CDC42BPA: variants seen among roughly 807,000 people sequenced by gnomAD.
CDC42BPA encodes the protein CDC42 binding protein kinase alpha.
A neutral mutation model predicts 223.5 loss-of-function variants in CDC42BPA; 80 were observed. The observed-to-expected ratio is 0.36, with a 90% CI of 0.30 to 0.43. The LOEUF (loss-of-function observed/expected upper bound fraction) is 0.43, where lower values mean the gene tolerates loss of function less well. CDC42BPA is among the 20% of genes least tolerant of loss of function. The pLI is 1.00. For synonymous variants in CDC42BPA, 694 were observed against 718.6 expected (o/e 0.97, Z 0.55); for missense variants, 1,743 against 2,099.9 (o/e 0.83, Z 3.32).
chr1:227,097,817 G>A (rs1398061368), intron 15 of CDC42BPA, among the ~76,000 whole-genome samples: 5 of 152,164 alleles, frequency 3.3e-5, no homozygotes, highest in Non-Finnish European at 2.9e-5. Flanking sequence ...CCAAGTGCTG[G>A]TAGGTCACTG....
At chr1:227,167,849 T>C (rs1032634126) in intron 5 of CDC42BPA, among the ~76,000 whole-genome samples, 6 of 152,218 alleles carry the variant, frequency 3.9e-5, no homozygotes, top group African/African-American at 9.6e-5. Context: ...CAAGCTTTCA[T>C]GTAGTATCAT....
At chr1:227,138,356 T>G (rs1659026557) in intron 10 of CDC42BPA, among the ~76,000 whole-genome samples, 1 of 151,874 alleles carries the variant, frequency 6.6e-6, no homozygotes, top group Admixed American at 6.6e-5. Flanking sequence ...ATAAATAGGA[T>G]GGTCAGGAAA....
intron 12 of CDC42BPA, among the ~76,000 whole-genome samples, chr1:227,117,404 T>A (rs1687933626): frequency 6.6e-6 from 1 of 152,018 alleles, no homozygotes; most frequent in Admixed American, 6.6e-5. Flanking sequence ...GCAGCCTCAA[T>A]CTACCAGGCT....
At chr1:227,289,354 C>T (rs1277576287) in intron 1 of CDC42BPA, among the ~76,000 whole-genome samples, 1 of 152,206 alleles carries the variant, frequency 6.6e-6, no homozygotes, top group East Asian at 1.9e-4. Context: ...CCAGCACTTA[C>T]TGTTCCCTCT....
chr1:227,045,329 G>C (rs1218065309), intron 23 of CDC42BPA, among the ~76,000 whole-genome samples: 1 of 152,158 alleles, frequency 6.6e-6, no homozygotes, highest in Non-Finnish European at 1.5e-5. Context: ...CCTTGGGTAA[G>C]TATGTCATTT....
At chr1:227,073,841 G>T in intron 19 of CDC42BPA, 23 bp downstream of exon 19, 3 of 1,475,196 alleles carry the variant, frequency 2.0e-6, no homozygotes, top group Non-Finnish European at 2.7e-6. Context: ...TTATTCTAGT[G>T]GGACTATATG....
intron 1 of CDC42BPA, among the ~76,000 whole-genome samples, chr1:227,277,078 TAAAAAAA>T (rs199895591): frequency 1.9e-5 from 2 of 105,022 alleles, no homozygotes; most frequent in Admixed American, 9.2e-5. Context: ...CAATAAATAC[TAAAAAAA>T]AAAAAAAAAA....
At chr1:227,133,508 T>C (rs1657792633) in intron 10 of CDC42BPA, among the ~76,000 whole-genome samples, 1 of 152,210 alleles carries the variant, frequency 6.6e-6, no homozygotes, top group African/African-American at 2.4e-5. Context: ...AATGGCGGTT[T>C]TGTGGAATAG....
rs114916868 is a variant in CDC42BPA, at chr1:227,135,548, G to A, written c.1390+4028C>T. Reference sequence around the variant, plus strand: ...GGCATTTGAAATCAAAGGTAGGGTTGAGTCTAATTAAAAATGCAATTTAGG... The same window carrying A: ...GGCATTTGAAATCAAAGGTAGGGTTAAGTCTAATTAAAAATGCAATTTAGG... On this transcript the variant is annotated intron_variant, in intron 10 of 36. Transcript: ENST00000366766. Among the ~76,000 whole-genome samples, 907 of 152,156 alleles carry A rather than the reference G, an allele frequency of 6.0e-3. 10 individuals carry two copies. The highest frequency in any genetic ancestry group is 0.021 in the African/African-American group (854 of 41,510).
chr1:227,198,438 CAA>C (rs1176604134), intron 4 of CDC42BPA, among the ~76,000 whole-genome samples: 3 of 51,528 alleles, frequency 5.8e-5, no homozygotes, highest in Admixed American at 2.5e-4. Flanking sequence ...ATCCAGCAAA[CAA>C]AAAAAAAAAA....
chr1:227,201,694 CAG>C (rs1282078843), intron 3 of CDC42BPA, among the ~76,000 whole-genome samples: 2 of 151,250 alleles, frequency 1.3e-5, no homozygotes, highest in African/African-American at 2.4e-5. Context: ...CACACACACA[CAG>C]ATTATATATT....
At chr1:227,091,801 C>T in intron 16 of CDC42BPA, 85 bp downstream of exon 16, 1 of 655,174 alleles carries the variant, frequency 1.5e-6, no homozygotes, top group Non-Finnish European at 2.5e-6. Flanking sequence ...AAATGTATGT[C>T]AAATATAAAG....
chr1:227,121,339 A>G (rs892198609), intron 11 of CDC42BPA, among the ~76,000 whole-genome samples: 1 of 152,234 alleles, frequency 6.6e-6, no homozygotes. Flanking sequence ...AGCAGTGTTA[A>G]TATGTTAGTC....
At chr1:227,080,006 TTTC>T (rs1263369589) in intron 17 of CDC42BPA, among the ~76,000 whole-genome samples, 2 of 115,318 alleles carry the variant, frequency 1.7e-5, no homozygotes, top group South Asian at 2.5e-4. Context: ...TTTATAATAA[TTTC>T]TTGTGTATGA....
chr1:227,032,625 AGAAGG>A (rs561193877), intron 27 of CDC42BPA, among the ~76,000 whole-genome samples: 1 of 152,326 alleles, frequency 6.6e-6, no homozygotes, highest in South Asian at 2.1e-4. Flanking sequence ...AACAGAATGC[AGAAGG>A]GTTATTATAC....
intron 5 of CDC42BPA, among the ~76,000 whole-genome samples, chr1:227,191,910 G>C (rs1471995905): frequency 6.6e-6 from 1 of 151,398 alleles, no homozygotes; most frequent in Non-Finnish European, 1.5e-5. Context: ...CTTGAGTCCA[G>C]GAGTTCAAGA....
rs530885969 is a variant in CDC42BPA at position 227,112,462 on chromosome 1, AT to A, written c.1891-41del. ...GAAAAATGCAGATTTCACGGTTATA[AT>A]TTTTTTCCAAACAAAACATTTATCC... On this transcript the variant is annotated intron_variant, in intron 13 of 36. Coordinates refer to ENST00000366766, the MANE Select transcript of CDC42BPA (RefSeq NM_001394014.1). The A allele has an allele frequency of 1.6e-4, 225 of 1,430,832 alleles. 8 individuals carry two copies. In the South Asian group the frequency reaches 2.9e-3, roughly 18 times the overall value. 88.6% of individuals were successfully genotyped at this position (1,430,832 alleles called of 1,614,324 possible).
intron 21 of CDC42BPA, 89 bp downstream of exon 21, chr1:227,069,688 A>G (rs1038125916): frequency 2.3e-6 from 2 of 852,682 alleles, no homozygotes; most frequent in Non-Finnish European, 3.8e-6. Context: ...TGTGGGAAGC[A>G]ATAAAATGGT....
chr1:227,132,527 G>C (rs1320924060), intron 10 of CDC42BPA, among the ~76,000 whole-genome samples: 1 of 138,566 alleles, frequency 7.2e-6, no homozygotes, highest in East Asian at 2.1e-4. Flanking sequence ...AAAGAGCCGA[G>C]ATTGCAGCCT....
Sources: gnomAD v4.1 joint callset for allele counts (sites outside exome capture counted in the v4.1 genomes callset) on GRCh38, gnomAD v4.1.1 for gene constraint, MANE v1.5 for transcripts, NCBI Gene and HGNC (gene_info 2026-07-23, HGNC 2026-07-21) for gene names.